BIRC6: variants seen among roughly 807,000 people sequenced by gnomAD.
BIRC6 encodes baculoviral IAP repeat containing 6, also known as dual E2 ubiquitin-conjugating enzyme/E3 ubiquitin-protein ligase BIRC6.
BIRC6 carries 98 observed loss-of-function variants against 503.3 expected under a neutral mutation model. That is an observed-to-expected ratio of 0.19 (90% CI 0.17 to 0.23). The LOEUF (loss-of-function observed/expected upper bound fraction) is 0.23, where lower values mean the gene tolerates loss of function less well. Ranked by LOEUF, BIRC6 falls within the 10% of genes least tolerant of loss-of-function variation. The pLI is 1.00. For missense variants in BIRC6, 5,360 were observed against 5,806.0 expected (o/e 0.92, Z 2.50); for synonymous variants, 2,240 against 2,078.7 (o/e 1.08, Z -2.11).
chr2:32,444,031 G>GT (rs776568064), intron 20 of BIRC6, among the ~76,000 whole-genome samples: 1,516 of 136,840 alleles, frequency 0.011, 8 homozygotes, highest in Middle Eastern at 0.025. Context: ...GGGACCAGTG[G>GT]TTTTTTTTTT....
intron 53 of BIRC6, among the ~76,000 whole-genome samples, chr2:32,511,220 T>C (rs2054390680): frequency 6.9e-6 from 1 of 145,268 alleles, no homozygotes; most frequent in Admixed American, 6.9e-5. Context: ...TTTTTTTTTT[T>C]TTTTTTTTAC....
chr2:32,479,679 G>A (rs2050159279), intron 37 of BIRC6, 62 bp downstream of exon 37: 12 of 1,335,392 alleles, frequency 9.0e-6, no homozygotes, highest in African/African-American at 1.5e-5. Context: ...TCAAAATAAA[G>A]AATGTTAGAG....
At chr2:32,418,760 A>AT (rs1441970200) in intron 10 of BIRC6, among the ~76,000 whole-genome samples, 43 of 152,324 alleles carry the variant, frequency 2.8e-4, no homozygotes, top group Non-Finnish European at 2.9e-5. Context: ...CACCTTAAAT[A>AT]TTTAAGTTAT....
chr2:32,403,317 A>G (rs193282171), intron 8 of BIRC6, among the ~76,000 whole-genome samples: 3 of 152,364 alleles, frequency 2.0e-5, no homozygotes, highest in Admixed American at 2.0e-4. Flanking sequence ...AGCTTGAAGA[A>G]TAATACATTA....
intron 8 of BIRC6, among the ~76,000 whole-genome samples, chr2:32,402,464 T>A (rs1328838271): frequency 6.6e-6 from 1 of 152,230 alleles, no homozygotes; most frequent in Non-Finnish European, 1.5e-5. Flanking sequence ...CAGTGATTTA[T>A]CATTTTACTT....
chr2:32,461,503 G>C (rs2047991196), intron 23 of BIRC6, among the ~76,000 whole-genome samples: 1 of 151,622 alleles, frequency 6.6e-6, no homozygotes, highest in Non-Finnish European at 1.5e-5. Context: ...ACCATGCCTA[G>C]CCAATTGCTC....
intron 46 of BIRC6, 132 bp downstream of exon 46, chr2:32,500,241 TA>T (rs1450435354): frequency 4.9e-5 from 37 of 758,518 alleles, no homozygotes; most frequent in Non-Finnish European, 6.7e-5. Flanking sequence ...GACTGATTTT[TA>T]TTGGTGAGGA....
At chr2:32,594,091 C>T (rs772081742) in intron 67 of BIRC6, 31 bp downstream of exon 67, 8 of 1,590,392 alleles carry the variant, frequency 5.0e-6, no homozygotes, top group Non-Finnish European at 6.8e-6. Context: ...TGCCACTTTT[C>T]ATTTGATGTA....
chr2:32,443,644 G>T (rs1482041184), intron 20 of BIRC6, 56 bp downstream of exon 20: 3 of 1,249,720 alleles, frequency 2.4e-6, no homozygotes, highest in Non-Finnish European at 3.4e-6. Flanking sequence ...CATCTCATAT[G>T]TATACTTAGG....
chr2:32,388,962 A>G lies in BIRC6; in HGVS notation c.839+19A>G, dbSNP rs2038858679. On this transcript the variant is annotated intron_variant, in intron 4 of 73. Transcript: ENST00000421745. ...TAGACAGGTATGAACCTTGCTAACA[A>G]AGGTGACAGTGAGATAGAATTGATT... 9.4e-6 allele frequency: 13 copies of G among 1,379,220 alleles called. No individual in the cohort carries two copies. The highest frequency in any genetic ancestry group is 1.2e-5 in the Non-Finnish European group (13 of 1,049,544). 85.4% of individuals were successfully genotyped at this position (1,379,220 alleles called of 1,614,324 possible).
chr2:32,380,199 G>T lies in BIRC6; in HGVS notation c.554G>T (p.Ser185Ile). The change falls in exon 3 of 74, where the codon AGT becomes ATT. Residue 185 changes from serine to isoleucine, a missense_variant. Around this residue, in one of 16 missense-constraint regions of BIRC6, gnomAD observed 134 missense variants for 150.9 expected, o/e 0.89. Transcript: ENST00000421745. The part of the protein sequence containing the change: ...SACLEKVDIS[S>I]TEGYDLFITQ... ...TGTTTAGAAAAGGTAGATATTTCTA[G>T]TACAGAGGGTTATGATTTGTTCATC... 6.2e-7 allele frequency: 1 copy of T among 1,601,266 alleles called. No homozygotes were observed. Among genetic ancestry groups the T allele is most frequent in the Non-Finnish European group, 8.5e-7 (1 of 1,174,410 alleles).
At chr2:32,571,400 T>TTTG (rs1559077792) in intron 65 of BIRC6, among the ~76,000 whole-genome samples, 5 of 147,664 alleles carry the variant, frequency 3.4e-5, no homozygotes, top group South Asian at 2.1e-4. Flanking sequence ...TTTTTTTTTT[T>TTTG]TTGTTGGGAG....
intron 66 of BIRC6, among the ~76,000 whole-genome samples, chr2:32,588,270 T>G (rs534475303): frequency 2.0e-5 from 3 of 152,226 alleles, no homozygotes; most frequent in African/African-American, 7.2e-5. Flanking sequence ...GTGGGAGAAT[T>G]GCTGGAACCT....
At chr2:32,377,211 A>ATGTG (rs1288542523) in intron 1 of BIRC6, among the ~76,000 whole-genome samples, 3 of 138,218 alleles carry the variant, frequency 2.2e-5, no homozygotes, top group Non-Finnish European at 3.1e-5. Context: ...CCCTTAATAT[A>ATGTG]TATGTGTGTG....
chr2:32,523,305 G>C (rs1015762924), intron 57 of BIRC6: 1 of 152,060 alleles, frequency 6.6e-6, no homozygotes, highest in African/African-American at 2.4e-5. Flanking sequence ...TGTTTGAATG[G>C]CATTTATTCT....
chr2:32,391,690 T>A (rs1222072758), intron 4 of BIRC6, among the ~76,000 whole-genome samples: 1 of 152,264 alleles, frequency 6.6e-6, no homozygotes, highest in African/African-American at 2.4e-5. Context: ...AAAAATCTTT[T>A]GGACTTCTCA....
chr2:32,482,886 A>G (rs2050564406), intron 39 of BIRC6, among the ~76,000 whole-genome samples: 2 of 151,992 alleles, frequency 1.3e-5, no homozygotes, highest in Non-Finnish European at 2.9e-5. Context: ...TTATAAAGAG[A>G]ATGAAACTAC....
intron 6 of BIRC6, among the ~76,000 whole-genome samples, chr2:32,397,693 TACACACACAC>T (rs148310332): frequency 6.9e-6 from 1 of 144,652 alleles, no homozygotes; most frequent in Middle Eastern, 3.2e-3. Flanking sequence ...CATATATATG[TACACACACAC>T]ACACACACAC....
chr2:32,467,118 C>CAAAAAA (rs1207152761), intron 26 of BIRC6, among the ~76,000 whole-genome samples: 1 of 82,016 alleles, frequency 1.2e-5, no homozygotes, highest in African/African-American at 4.6e-5. Context: ...GACTCCGTCT[C>CAAAAAA]AAAAAAAAAA....
Sources: allele counts gnomAD v4.1 joint callset (sites outside exome capture counted in the v4.1 genomes callset), GRCh38; gene constraint gnomAD v4.1.1; regional missense constraint gnomAD v4.1.1; transcripts MANE v1.5; gene names NCBI Gene and HGNC (gene_info 2026-07-23, HGNC 2026-07-21).